KCNT1: variants seen among roughly 807,000 people sequenced by gnomAD.
KCNT1 encodes the protein potassium channel subfamily T member 1.
A neutral mutation model predicts 147.8 loss-of-function variants in KCNT1; 78 were observed. That is an observed-to-expected ratio of 0.53 (90% confidence interval 0.44 to 0.64). The LOEUF (loss-of-function observed/expected upper bound fraction) is 0.64. Among genes scored for constraint, KCNT1 ranks in the 30% least tolerant of loss-of-function variants. KCNT1 has a pLI of 0.00. For missense variants in KCNT1, 1,419 were observed against 1,750.3 expected, an observed-to-expected ratio of 0.81 and a Z score of 3.38; for synonymous variants, 867 against 748.8, an observed-to-expected ratio of 1.16 and a Z score of -2.58.
In KCNT1 at chr9:135,764,924, T is replaced by TGCCCCAG. The variant is rs1247528947; in HGVS notation, c.1036-101_1036-95dup. 3.1e-5 allele frequency: 41 copies of TGCCCCAG among 1,308,712 alleles called. No individual in the cohort carries two copies. In the African/African-American group the frequency reaches 4.9e-4, roughly 16 times the overall value. The allele number at this position is 1,308,712 out of a possible 1,614,324, so 81.1% of individuals were successfully genotyped here. A position where few individuals can be genotyped will look rare whatever the true frequency, so the allele number is the denominator to read the frequency against. ...GTAGGTGTCACCCCCCGGCCGGCCC[T>TGCCCCAG]GCCCCAGGCCCCTAACAGACAGTCG... On this transcript the variant is annotated intron_variant, in intron 11 of 30. Transcript: ENST00000371757.
At chr9:135,763,332 A>G (rs1832039549) in intron 11 of KCNT1, among the ~76,000 whole-genome samples, 1 of 152,234 alleles carries the variant, frequency 6.6e-6, no homozygotes. Flanking sequence ...TGAATGCACC[A>G]GTAAAAGCCC....
Position 135,757,333 on chromosome 9 carries a change from C to A in KCNT1, c.711C>A (p.Pro237=). The A allele has an allele frequency of 1.2e-6, 2 of 1,611,732 alleles. No individual in the cohort carries two copies. The highest frequency in any genetic ancestry group is 1.7e-6 in the Non-Finnish European group (2 of 1,179,960). Residue 237 remains proline (P), a synonymous_variant, in exon 9 of 31, where the codon CCC becomes CCA. Coordinates refer to ENST00000371757, the MANE Select transcript of KCNT1 (RefSeq NM_020822.3). The part of the protein sequence containing the change: ...FWPPLRNLFI[P]VFLNCWLAKH... Reference sequence around the variant, plus strand: ...CGCCGCTGCGGAACCTGTTCATCCCCGTCTTTCTGAACTGCTGGCTGGCCA... The same window carrying A: ...CGCCGCTGCGGAACCTGTTCATCCCAGTCTTTCTGAACTGCTGGCTGGCCA...
At position 135,778,468 on chromosome 9, in the gene KCNT1, T is replaced by C; in HGVS notation, c.2567T>C (p.Val856Ala). Residue 856 changes from valine to alanine, a missense_variant, in exon 22 of 31, where the codon GTC becomes GCC. By Grantham distance (64) the Val-to-Ala change is moderately conservative. This residue lies in a region of KCNT1 where 247 missense variants were observed against 397.1 expected (regional missense o/e 0.62). Transcript: ENST00000371757. ...FLEAICCFPM[V>A]YYMEGSVDNL... ...GAAGCCATCTGCTGCTTCCCCATGGTCTACTACATGGAGGGCTCTGTGGAC... is the reference window on the plus strand; with the variant it reads ...GAAGCCATCTGCTGCTTCCCCATGGCCTACTACATGGAGGGCTCTGTGGAC... The C allele has an allele frequency of 6.4e-7, 1 of 1,557,602 alleles. No individual in the cohort carries two copies. The highest frequency in any genetic ancestry group is 1.9e-5 in the Admixed American group (1 of 51,524).
chr9:135,781,206 A>G (rs1358764928), intron 24 of KCNT1, among the ~76,000 whole-genome samples: 1 of 152,190 alleles, frequency 6.6e-6, no homozygotes, highest in Admixed American at 6.5e-5. Flanking sequence ...TGTGACAGGG[A>G]CCAAGGAGAA....
rs1564382343 is a variant in KCNT1, at chr9:135,778,698, C to T, written c.2605C>T (p.Leu869=). The change falls in exon 23 of 31, where the codon CTG becomes TTG. Residue 869 remains leucine, a synonymous_variant. Transcript: ENST00000371757. ...CGGTCCCGCCACCAGCCTGGACAGCCTGCTGCAGTGTGGCATCATCTATGC... is the reference window on the plus strand; with the variant it reads ...CGGTCCCGCCACCAGCCTGGACAGCTTGCTGCAGTGTGGCATCATCTATGC... ...MEGSVDNLDS[L]LQCGIIYADN... The T allele has an allele frequency of 6.2e-7, 1 of 1,613,822 alleles. No homozygotes were observed. Among genetic ancestry groups the T allele is most frequent in the Non-Finnish European group, 8.5e-7 (1 of 1,179,924 alleles).
At position 135,772,917 on chromosome 9, in the gene KCNT1, G is replaced by A. The variant is rs148928475; in HGVS notation, c.2211G>A (p.Thr737=). The A allele has an allele frequency of 2.5e-5, 38 of 1,530,304 alleles. 1 individual carries two copies. The South Asian group carries it at 2.9e-4, about 11-fold the overall frequency. 94.8% of individuals were successfully genotyped at this position (1,530,304 alleles called of 1,614,324 possible). A position where few individuals can be genotyped will look rare whatever the true frequency, so the allele number is the denominator to read the frequency against. ...LLSDQSEDEV[T]PSDDEGLSVV... Reference sequence around the variant, plus strand: ...GCGACCAGTCGGAGGATGAGGTGACGCCGTCGGACGACGAGGGGCTCTCCG... The same window carrying A: ...GCGACCAGTCGGAGGATGAGGTGACACCGTCGGACGACGAGGGGCTCTCCG... Residue 737 remains threonine, a synonymous_variant, in exon 19 of 31, where the codon ACG becomes ACA. Coordinates refer to ENST00000371757, the MANE Select transcript of KCNT1 (RefSeq NM_020822.3).
At chr9:135,719,947 G>T (rs1023117275) in intron 2 of KCNT1, among the ~76,000 whole-genome samples, 2 of 152,234 alleles carry the variant, frequency 1.3e-5, no homozygotes, top group African/African-American at 4.8e-5. Flanking sequence ...AACTTGACTT[G>T]GTTCTCTGGA....
Position 135,784,040 on chromosome 9 carries a change from G to T in KCNT1, c.2858G>T (p.Gly953Val). 6.2e-7 allele frequency: 1 copy of T among 1,606,440 alleles called. No individual in the cohort carries two copies. The highest frequency in any genetic ancestry group is 8.5e-7 in the Non-Finnish European group (1 of 1,179,948). ...SKLEKREREN[G>V]SNLAFMFRLP... ...TTCCCACAGAGGGAGCGAGAGAATGGCTCCAACCTGGCCTTCATGTTCCGC... is the reference window on the plus strand; with the variant it reads ...TTCCCACAGAGGGAGCGAGAGAATGTCTCCAACCTGGCCTTCATGTTCCGC... Residue 953 changes from glycine (G) to valine (V), a missense_variant, in exon 25 of 31, where the codon GGC (glycine) becomes GTC (valine). Physicochemically the swap from Gly to Val is moderately radical, Grantham distance 109. Around this residue, in one of 5 missense-constraint regions of KCNT1, gnomAD observed 247 missense variants for 397.1 expected, o/e 0.62. Coordinates refer to ENST00000371757, the MANE Select transcript of KCNT1 (RefSeq NM_020822.3).
At chr9:135,726,299 G>T (rs544879659) in intron 2 of KCNT1, among the ~76,000 whole-genome samples, 2 of 152,168 alleles carry the variant, frequency 1.3e-5, no homozygotes, top group East Asian at 3.9e-4. Flanking sequence ...CGGCCTGCAG[G>T]GCCCTCTGGG....
Position 135,758,545 on chromosome 9 carries a change from T to C in KCNT1, c.854+37T>C, listed in dbSNP as rs144622742. The C allele has an allele frequency of 5.3e-5, 83 of 1,556,988 alleles. 1 individual carries two copies. Among genetic ancestry groups the C allele is most frequent in the South Asian group, 2.7e-4 (24 of 89,984 alleles). On this transcript the variant is annotated intron_variant, in intron 10 of 30. Transcript: ENST00000371757. ...CCGTCAGTGTGAGCACCCCAGGACG[T>C]TGGGAGGGCCCGAGAGGCAAGCAGG...
chr9:135,791,996 TG>T, intron 30 of KCNT1, 44 bp from the exon 31 acceptor site: 1 of 1,603,208 alleles, frequency 6.2e-7, no homozygotes, highest in Non-Finnish European at 8.5e-7. Context: ...GAGCAGGGGC[TG>T]CCCGGCCCAC....
At chr9:135,765,927 G>A (rs1486573827) in intron 13 of KCNT1, among the ~76,000 whole-genome samples, 167 bp downstream of exon 13, 8 of 151,524 alleles carry the variant, frequency 5.3e-5, no homozygotes, top group South Asian at 4.2e-4. Context: ...AGGGTGGATC[G>A]TCCGGGGTGG....
chr9:135,781,800 C>T (rs1050685692), intron 24 of KCNT1, among the ~76,000 whole-genome samples: 1 of 152,168 alleles, frequency 6.6e-6, no homozygotes, highest in Non-Finnish European at 1.5e-5. Context: ...GTGAGATGCT[C>T]TGCCAGGTGC....
intron 15 of KCNT1, among the ~76,000 whole-genome samples, chr9:135,769,623 G>T (rs955096585): frequency 1.3e-5 from 2 of 152,282 alleles, no homozygotes; most frequent in South Asian, 4.1e-4. Flanking sequence ...CGGGGGGCAG[G>T]CCCCATGCCA....
At chr9:135,779,329 GCCCCGCCCT>G in intron 23 of KCNT1, 21 bp from the exon 24 acceptor site, 19 of 1,442,806 alleles carry the variant, frequency 1.3e-5, no homozygotes, top group Non-Finnish European at 1.8e-5. Context: ...ACCACCATGG[GCCCCGCCCT>G]GAGCCGCCTG....
At chr9:135,772,221 C>A (rs888072398) in intron 18 of KCNT1, among the ~76,000 whole-genome samples, 3 of 152,202 alleles carry the variant, frequency 2.0e-5, no homozygotes, top group Non-Finnish European at 4.4e-5. Context: ...ACTCGGGCAA[C>A]CCTCACTGTA....
At chr9:135,784,176 C>A in intron 25 of KCNT1, 51 bp downstream of exon 25, 1 of 1,376,454 alleles carries the variant, frequency 7.3e-7, no homozygotes, top group South Asian at 1.2e-5. Flanking sequence ...GGACCCCCGT[C>A]ATGCCCTCAG....
At chr9:135,734,596 A>G (rs866071626) in intron 2 of KCNT1, among the ~76,000 whole-genome samples, 3 of 152,162 alleles carry the variant, frequency 2.0e-5, no homozygotes, top group Non-Finnish European at 4.4e-5. Flanking sequence ...CTCTTGTCAC[A>G]TAACTCTCAT....
At chr9:135,717,286 A>G (rs1423759592) in intron 2 of KCNT1, among the ~76,000 whole-genome samples, 3 of 148,292 alleles carry the variant, frequency 2.0e-5, no homozygotes, top group African/African-American at 7.6e-5. Flanking sequence ...ATAGGATGAG[A>G]GGGAAGGGGA....
Sources: allele counts gnomAD v4.1 joint callset (sites outside exome capture counted in the v4.1 genomes callset), GRCh38; gene constraint gnomAD v4.1.1; regional missense constraint gnomAD v4.1.1; transcripts MANE v1.5; gene names NCBI Gene and HGNC (gene_info 2026-07-23, HGNC 2026-07-21).